The following FBRS variants were observed in gnomAD, a reference collection of about 807,000 sequenced individuals.
FBRS encodes fibrosin.
Under a neutral mutation model 86.1 loss-of-function variants are expected in FBRS, and 15 were observed. The observed-to-expected ratio is 0.17, with a 90% confidence interval of 0.12 to 0.27. FBRS has a LOEUF of 0.27. FBRS is among the 10% of genes least tolerant of loss of function. FBRS has a pLI of 1.00. For synonymous variants in FBRS, 666 were observed against 575.8 expected (o/e 1.16, Z -2.24); for missense variants, 1,367 against 1,301.6 (o/e 1.05, Z -0.77).
At chr16:30,660,889 G>T (rs1371546395) in intron 2 of FBRS, among the ~76,000 whole-genome samples, 1 of 152,128 alleles carries the variant, frequency 6.6e-6, no homozygotes, top group Non-Finnish European at 1.5e-5. Context: ...AGTTGTGGTT[G>T]GGGAAAGCCC....
chr16:30,666,602 T>C (rs925523686), intron 12 of FBRS, 61 bp downstream of exon 12: 3 of 1,612,130 alleles, frequency 1.9e-6, no homozygotes, highest in Non-Finnish European at 2.5e-6. Context: ...CATGTTTGGC[T>C]AAGGGGGGTT....
At chr16:30,660,199 AC>A in intron 1 of FBRS, 63 bp from the exon 2 acceptor site, 3 of 1,396,468 alleles carry the variant, frequency 2.1e-6, no homozygotes, top group Middle Eastern at 2.3e-4. Context: ...CAACCTGGTC[AC>A]CCCTAGAGGG....
intron 6 of FBRS, among the ~76,000 whole-genome samples, chr16:30,663,516 TAA>T (rs79934414): frequency 9.2e-4 from 130 of 141,466 alleles, no homozygotes; most frequent in Non-Finnish European, 8.6e-4. Flanking sequence ...GAGGCTAAGT[TAA>T]AAAAAAAAAA....
At chr16:30,663,004 G>A in intron 6 of FBRS, 145 bp downstream of exon 6, 3 of 1,292,226 alleles carry the variant, frequency 2.3e-6, no homozygotes, top group Non-Finnish European at 3.0e-6. Flanking sequence ...AGAGATGACT[G>A]CAGGACTTAT....
At chr16:30,661,398 T>C (rs885107) in intron 4 of FBRS, 65 bp downstream of exon 4, 482,438 of 1,549,906 alleles carry the variant, frequency 0.31, 95,250 homozygotes, top group African/African-American at 0.86. Context: ...AGCATAAAGG[T>C]CTTCTGCGTG....
rs889534051 is a variant in FBRS, at chr16:30,659,804, C to G, written c.286C>G (p.Arg96Gly). 7.3e-6 allele frequency: 11 copies of G among 1,508,348 alleles called. No homozygotes were observed. The highest frequency in any genetic ancestry group is 9.7e-6 in the Non-Finnish European group (11 of 1,133,556). The allele number at this position is 1,508,348 out of a possible 1,614,324, so 93.4% of individuals were successfully genotyped here. Residue 96 changes from arginine (R) to glycine (G), a missense_variant, in exon 1 of 18, where the codon CGG (arginine) becomes GGG (glycine). This residue lies in a region of FBRS where 702 missense variants were observed against 598.7 expected (regional missense o/e 1.17). Transcript: ENST00000356166. ...ACCTCGACCCCCGCGACCCCGAGCT[C>G]GGAAGCGGCCTGCCGGCTCGGGCAG... ...PRPRPPRPRA[R>G]KRPAGSGSRG...
Position 30,670,190 on chromosome 16 carries a change from G to C in FBRS, c.*545G>C, listed in dbSNP as rs1275541250. On this transcript the variant is annotated 3_prime_UTR_variant, in exon 18 of 18. Transcript: ENST00000356166. ...CCTGGTTAATTAAACCCTCAGACTG[G>C]TGCTGTGTTCCTAGCCTCTGGCCTC... The C allele has an allele frequency of 2.2e-6, 1 of 458,244 alleles. No homozygotes were observed. The highest frequency in any genetic ancestry group is 2.3e-5 in the Admixed American group (1 of 42,568). The allele number at this position is 458,244 out of a possible 1,614,324, so 28.4% of individuals were successfully genotyped here.
rs775306075 is a variant in FBRS at position 30,665,055 on chromosome 16, G to A, written c.1584G>A (p.Lys528=). ...GPHMFEKYPG[K]MEGLFRHNPY... ...CCTAGTTTGAGAAATATCCAGGAAA[G>A]ATGGAAGGCCTTTTCCGACATAATG... Residue 528 remains lysine (K), a synonymous_variant, in exon 9 of 18, where the codon AAG becomes AAA. Transcript: ENST00000356166. This position sits in a 1 kb window ranked among gnomAD's most constrained non-coding sequence, Gnocchi z 4.1. The A allele has an allele frequency of 5.0e-5, 81 of 1,613,608 alleles. No homozygotes were observed. The South Asian group carries it at 8.8e-4, about 18-fold the overall frequency.
Position 30,664,425 on chromosome 16 carries a change from C to CCCA in FBRS, c.1266_1267insCCA (p.Ser422_Leu423insPro). The CCCA allele has an allele frequency of 7.1e-7, 1 of 1,401,628 alleles. No homozygotes were observed. Among genetic ancestry groups the CCCA allele is most frequent in the Non-Finnish European group, 9.5e-7 (1 of 1,054,450 alleles). 86.8% of individuals were successfully genotyped at this position (1,401,628 alleles called of 1,614,324 possible). On this transcript the variant is annotated inframe_insertion, in exon 7 of 18. Transcript: ENST00000356166. ...CCCCCCCACCACCCCACCACCCCTC[C>CCCA]TTGTTCTCCCCTGGCCCCACCCTGC...
chr16:30,668,893 C>T lies in FBRS; in HGVS notation c.2280C>T (p.Pro760=). The change falls in exon 17 of 18, where the codon CCC becomes CCT. Residue 760 remains proline (P), a synonymous_variant. Coordinates refer to ENST00000356166, the MANE Select transcript of FBRS (RefSeq NM_001105079.3). ...TGACCTTTCCTGCCTGGGTCCGGCCCCCTGAGGCCGCCCGGACTCCAGGCT... is the reference window on the plus strand; with the variant it reads ...TGACCTTTCCTGCCTGGGTCCGGCCTCCTGAGGCCGCCCGGACTCCAGGCT... ...SPLTFPAWVR[P]PEAARTPGSD... 1.3e-6 allele frequency: 2 copies of T among 1,586,342 alleles called. No individual in the cohort carries two copies. Among genetic ancestry groups the T allele is most frequent in the Non-Finnish European group, 1.7e-6 (2 of 1,170,046 alleles).
chr16:30,664,782 G>C lies in FBRS; in HGVS notation c.1425G>C (p.Val475=). The C allele has an allele frequency of 1.9e-6, 3 of 1,553,190 alleles. No individual in the cohort carries two copies. Among genetic ancestry groups the C allele is most frequent in the Non-Finnish European group, 2.6e-6 (3 of 1,147,860 alleles). Residue 475 remains valine, a synonymous_variant, in exon 8 of 18, where the codon GTG becomes GTC. Transcript: ENST00000356166. ...ATGCCCAGGGTGGCCCTGAGGTGGT[G>C]GGGGCAGGGGGCTCGGCCCGGCCCC... The part of the protein sequence containing the change: ...YLNAQGGPEV[V]GAGGSARPLA...
chr16:30,662,909 G>A (rs1416831907), intron 6 of FBRS, 50 bp downstream of exon 6: 33 of 1,395,980 alleles, frequency 2.4e-5, no homozygotes, highest in Non-Finnish European at 3.0e-5. Flanking sequence ...TGGTCAGTTT[G>A]GTGGCGGGGA....
chr16:30,662,883 G>T (rs1211205387), intron 6 of FBRS, 24 bp downstream of exon 6: 1 of 1,431,398 alleles, frequency 7.0e-7, no homozygotes, highest in Non-Finnish European at 9.2e-7. Flanking sequence ...GGGGATTGAT[G>T]CGGTCCGGAA....
At position 30,664,803 on chromosome 16, in the gene FBRS, G is replaced by A; in HGVS notation, c.1446G>A (p.Arg482=). 1 of 1,556,520 alleles carries A rather than the reference G, an allele frequency of 6.4e-7. No individual in the cohort carries two copies. The highest frequency in any genetic ancestry group is 8.7e-7 in the Non-Finnish European group (1 of 1,149,768). ...PEVVGAGGSA[R]PLAFQFHQHN... ...TGGTGGGGGCAGGGGGCTCGGCCCGGCCCCTGGCCTTCCAGTTCCACCAGC... is the reference window on the plus strand; with the variant it reads ...TGGTGGGGGCAGGGGGCTCGGCCCGACCCCTGGCCTTCCAGTTCCACCAGC... Residue 482 remains arginine (R), a synonymous_variant, in exon 8 of 18, where the codon CGG becomes CGA. Transcript: ENST00000356166.
intron 11 of FBRS, 37 bp from the exon 12 acceptor site, chr16:30,666,475 T>A (rs1218916258): frequency 6.2e-7 from 1 of 1,613,848 alleles, no homozygotes; most frequent in Non-Finnish European, 8.5e-7. Flanking sequence ...AGGACTCGGG[T>A]CTGAGTCGCC....
intron 13 of FBRS, 53 bp from the exon 14 acceptor site, chr16:30,667,267 G>A: frequency 7.2e-7 from 1 of 1,381,470 alleles, no homozygotes; most frequent in Middle Eastern, 1.8e-4. Flanking sequence ...GAGAGCAAGA[G>A]GGGGACCAGA....
chr16:30,662,563 G>T lies in FBRS; in HGVS notation c.759G>T (p.Ser253=). The change falls in exon 6 of 18, where the codon TCG becomes TCT. Residue 253 remains serine (S), a synonymous_variant. Transcript: ENST00000356166. ...PSFTVSTSKA[S]GPHGAFNGNC... ...GTCTGCCATCCTGCCCCACAGCCTC[G>T]GGCCCCCACGGCGCCTTCAATGGGA... 6.5e-7 allele frequency: 1 copy of T among 1,544,064 alleles called. No individual in the cohort carries two copies. Among genetic ancestry groups the T allele is most frequent in the Non-Finnish European group, 8.8e-7 (1 of 1,142,314 alleles).
chr16:30,658,693 TGCCCC>T lies in FBRS; in HGVS notation c.-817_-813del, dbSNP rs1041835845. The T allele has an allele frequency of 6.6e-6, 1 of 152,258 alleles. No homozygotes were observed. The highest frequency in any genetic ancestry group is 1.5e-5 in the Non-Finnish European group (1 of 68,078). 9.4% of individuals were successfully genotyped at this position (152,258 alleles called of 1,614,324 possible). ...CGGGGCTTTGGAGGGCTGGCCTCGC[TGCCCC>T]GCCCCGCCTCGCGCCTTTCATGGCG... On this transcript the variant is annotated 5_prime_UTR_variant, in exon 1 of 18. It removes the in-frame stop codon of an upstream open reading frame in the 5' UTR. Coordinates refer to ENST00000356166, the MANE Select transcript of FBRS (RefSeq NM_001105079.3).
chr16:30,665,138 G>C lies in FBRS; in HGVS notation c.1608+59G>C. On this transcript the variant is annotated intron_variant, in intron 9 of 17. Transcript: ENST00000356166. The surrounding 1 kb of genome is among the most constrained non-coding windows in gnomAD (Gnocchi z 4.1). ...GTGGTGTGGGCGTGGATGCATCCAT[G>C]CTTGTGACCCTGACTGCTGGGGTCC... 6.3e-7 allele frequency: 1 copy of C among 1,588,402 alleles called. No homozygotes were observed. Among genetic ancestry groups the C allele is most frequent in the Non-Finnish European group, 8.6e-7 (1 of 1,168,242 alleles).
Sources: allele counts gnomAD v4.1 joint callset (sites outside exome capture counted in the v4.1 genomes callset), GRCh38; gene constraint gnomAD v4.1.1; regional missense constraint gnomAD v4.1.1; non-coding constraint Gnocchi (gnomAD v3.1); transcripts MANE v1.5; gene names NCBI Gene and HGNC (gene_info 2026-07-23, HGNC 2026-07-21).